The following RELCH variants were observed in gnomAD, a reference collection of about 807,000 sequenced individuals.
RELCH encodes the protein RAB11-binding protein RELCH.
A neutral mutation model predicts 150.3 loss-of-function variants in RELCH; 41 were observed. The ratio of observed to expected loss-of-function variants is 0.27; its 90% confidence interval spans 0.21 to 0.35. The LOEUF (loss-of-function observed/expected upper bound fraction) is 0.35, where lower values mean the gene tolerates loss of function less well. Among genes scored for constraint, RELCH ranks in the 10% least tolerant of loss-of-function variants. The pLI is 1.00. For synonymous variants in RELCH, 478 were observed against 531.8 expected (o/e 0.90, Z 1.39); for missense variants, 1,092 against 1,467.8 (o/e 0.74, Z 4.18).
chr18:62,266,815 C>A, intron 19 of RELCH, 66 bp downstream of exon 19: 2 of 920,790 alleles, frequency 2.2e-6, no homozygotes, highest in African/African-American at 1.7e-5. Context: ...ATACTATATT[C>A]TCCATATATG....
chr18:62,294,101 A>G (rs1264205640), intron 27 of RELCH, among the ~76,000 whole-genome samples: 2 of 152,150 alleles, frequency 1.3e-5, no homozygotes, highest in Non-Finnish European at 2.9e-5. Context: ...ATTATGCCAT[A>G]GTTTATCCAT....
chr18:62,270,853 T>C (rs1367249328), intron 20 of RELCH, among the ~76,000 whole-genome samples: 1 of 152,014 alleles, frequency 6.6e-6, no homozygotes, highest in African/African-American at 2.4e-5. Flanking sequence ...GTCCAAGTGT[T>C]CTCATTGTTC....
At chr18:62,231,308 A>T in intron 9 of RELCH, 39 bp downstream of exon 9, 1 of 1,269,706 alleles carries the variant, frequency 7.9e-7, no homozygotes, top group Non-Finnish European at 1.1e-6. Context: ...TTTTAAAAAC[A>T]TTCTACTGTT....
intron 27 of RELCH, among the ~76,000 whole-genome samples, chr18:62,292,371 T>G (rs2045196967): frequency 6.6e-6 from 1 of 152,138 alleles, no homozygotes; most frequent in Admixed American, 6.6e-5. Flanking sequence ...GGGACTCCAC[T>G]TCTATTCCTG....
chr18:62,305,342 T>C lies in RELCH; in HGVS notation c.3531-72T>C. 1.5e-6 allele frequency: 2 copies of C among 1,336,488 alleles called. No individual in the cohort carries two copies. The highest frequency in any genetic ancestry group is 2.0e-6 in the Non-Finnish European group (2 of 979,022). The allele number at this position is 1,336,488 out of a possible 1,614,324, so 82.8% of individuals were successfully genotyped here. A position where few individuals can be genotyped will look rare whatever the true frequency, so the allele number is the denominator to read the frequency against. ...CAATTCAGAGTGTGTTCGTTAATGATATGCTACTAAATAAATGAAAAATTT... is the reference window on the plus strand; with the variant it reads ...CAATTCAGAGTGTGTTCGTTAATGACATGCTACTAAATAAATGAAAAATTT... On this transcript the variant is annotated intron_variant, in intron 28 of 28. Transcript: ENST00000644646. This position sits in a 1 kb window ranked among gnomAD's most constrained non-coding sequence, Gnocchi z 4.0.
At chr18:62,206,891 G>C (rs1039636839) in intron 1 of RELCH, among the ~76,000 whole-genome samples, 10 of 146,410 alleles carry the variant, frequency 6.8e-5, no homozygotes, top group Admixed American at 1.4e-4. Context: ...ACACTTGTTT[G>C]TTCTTTCCTT....
At position 62,266,721 on chromosome 18, in the gene RELCH, G is replaced by T; in HGVS notation, c.2652G>T (p.Glu884Asp). 6.2e-7 allele frequency: 1 copy of T among 1,603,008 alleles called. No homozygotes were observed. The highest frequency in any genetic ancestry group is 8.5e-7 in the Non-Finnish European group (1 of 1,172,958). The change falls in exon 19 of 29, where the codon GAG becomes GAT. Residue 884 changes from glutamate (E) to aspartate (D), a missense_variant. This residue lies in a region of RELCH where 707 missense variants were observed against 1,025.4 expected (regional missense o/e 0.69). Coordinates refer to ENST00000644646, the MANE Select transcript of RELCH (RefSeq NM_001346231.2). Reference protein sequence around the residue: ...TNTKVKPQFQEILRLSEENID... With the variant: ...TNTKVKPQFQDILRLSEENID... The stretch of plus-strand genomic sequence containing the variant: ...CTTAGGTAAAACCTCAGTTCCAGGA[G>T]ATTTTAAGACTATCTGAAGAAAACA...
chr18:62,197,864 C>T (rs9949434), intron 1 of RELCH, among the ~76,000 whole-genome samples: 14,908 of 152,198 alleles, frequency 0.098, 857 homozygotes, highest in East Asian at 0.19. Flanking sequence ...TAAAACAACA[C>T]TAGGTCTGTG....
In RELCH at chr18:62,298,832, G is replaced by A. The variant is rs1393632323; in HGVS notation, c.3502G>A (p.Glu1168Lys). The A allele has an allele frequency of 8.8e-6, 14 of 1,590,490 alleles. No homozygotes were observed. The highest frequency in any genetic ancestry group is 1.7e-5 in the Admixed American group (1 of 58,230). Residue 1168 changes from glutamate to lysine, a missense_variant, in exon 28 of 29, where the codon GAA (glutamate) becomes AAA (lysine). Around this residue, in one of 4 missense-constraint regions of RELCH, gnomAD observed 707 missense variants for 1,025.4 expected, o/e 0.69. Coordinates refer to ENST00000644646, the MANE Select transcript of RELCH (RefSeq NM_001346231.2). ...GATAAAAGAATGTGAACAAAAAGTTGAAAACAAGACCGTCCAAGAGCCTCA... is the reference window on the plus strand; with the variant it reads ...GATAAAAGAATGTGAACAAAAAGTTAAAAACAAGACCGTCCAAGAGCCTCA... The part of the protein sequence containing the change: ...SMIKECEQKV[E>K]NKTVQEPQGS...
chr18:62,236,629 A>G (rs1342652043), intron 10 of RELCH, among the ~76,000 whole-genome samples: 1 of 151,852 alleles, frequency 6.6e-6, no homozygotes, highest in Non-Finnish European at 1.5e-5. Context: ...GTATTAACTT[A>G]TATCTTTTAA....
chr18:62,198,750 T>C (rs896043325), intron 1 of RELCH, among the ~76,000 whole-genome samples: 21 of 152,328 alleles, frequency 1.4e-4, no homozygotes, highest in African/African-American at 4.6e-4. Flanking sequence ...TAAATAAAAT[T>C]GCTTCCTCCT....
At chr18:62,300,983 CG>C (rs2045640236) in intron 28 of RELCH, 1 of 152,122 alleles carries the variant, frequency 6.6e-6, no homozygotes, top group African/African-American at 2.4e-5. Flanking sequence ...TCTCTTCCCT[CG>C]GGGTATTCAC....
chr18:62,220,920 G>A, intron 2 of RELCH, 117 bp from the exon 3 acceptor site: 1 of 851,470 alleles, frequency 1.2e-6, no homozygotes. Context: ...CATGCTTTCT[G>A]TTTTCAATAC....
At chr18:62,288,576 A>C (rs960404325) in intron 26 of RELCH, among the ~76,000 whole-genome samples, 3 of 152,134 alleles carry the variant, frequency 2.0e-5, no homozygotes, top group Admixed American at 2.0e-4. Flanking sequence ...CATGGTTCAG[A>C]GCAGTTTATG....
intron 13 of RELCH, 134 bp from the exon 14 acceptor site, chr18:62,257,814 A>T: frequency 1.5e-6 from 1 of 664,792 alleles, no homozygotes. Context: ...GTACATCAAC[A>T]GTTAGTCAGC....
intron 12 of RELCH, among the ~76,000 whole-genome samples, chr18:62,253,006 G>A (rs1235620627): frequency 1.3e-5 from 2 of 152,050 alleles, no homozygotes; most frequent in Non-Finnish European, 2.9e-5. Context: ...GGGATACAGT[G>A]GTGAACAAAA....
chr18:62,297,428 T>C (rs994233841), intron 27 of RELCH, among the ~76,000 whole-genome samples: 1 of 151,784 alleles, frequency 6.6e-6, no homozygotes, highest in Non-Finnish European at 1.5e-5. Flanking sequence ...GATGAAAATA[T>C]AGAAGAAAGA....
At position 62,215,943 on chromosome 18, in the gene RELCH, G is replaced by A. The variant is rs115520277; in HGVS notation, c.616+4701G>A. ...TAGATATTTTCCATTTCTCAATTTA[G>A]TTTTCATATGAAGCATACATTTTTA... On this transcript the variant is annotated intron_variant, in intron 2 of 28. Coordinates refer to ENST00000644646, the MANE Select transcript of RELCH (RefSeq NM_001346231.2). Among the ~76,000 whole-genome samples the A allele has an allele frequency of 7.1e-3, 1,078 of 152,122 alleles. 14 individuals carry two copies. Among genetic ancestry groups the A allele is most frequent in the African/African-American group, 0.025 (1,030 of 41,510 alleles).
chr18:62,247,670 C>T (rs909554316), intron 11 of RELCH, among the ~76,000 whole-genome samples: 1 of 151,814 alleles, frequency 6.6e-6, no homozygotes, highest in Non-Finnish European at 1.5e-5. Context: ...TCCCAAGTAG[C>T]CAAGTAGCTG....
Sources: allele counts gnomAD v4.1 joint callset (sites outside exome capture counted in the v4.1 genomes callset), GRCh38; gene constraint gnomAD v4.1.1; regional missense constraint gnomAD v4.1.1; non-coding constraint Gnocchi (gnomAD v3.1); transcripts MANE v1.5; gene names NCBI Gene and HGNC (gene_info 2026-07-23, HGNC 2026-07-21).